AKT3: variants seen among roughly 807,000 people sequenced by gnomAD.
AKT3 encodes AKT serine/threonine kinase 3.
AKT3 carries 15 observed loss-of-function variants against 65.3 expected under a neutral mutation model. That is an observed-to-expected ratio of 0.23 (90% CI 0.15 to 0.35). The LOEUF is 0.35. Ranked by LOEUF, AKT3 falls within the 10% of genes least tolerant of loss-of-function variation. AKT3 has a pLI of 1.00. For synonymous variants in AKT3, 206 were observed against 183.8 expected (o/e 1.12, Z -0.98); for missense variants, 243 against 576.5 (o/e 0.42, Z 5.92).
At chr1:243,573,596 TGA>T (rs1674718190) in intron 8 of AKT3, among the ~76,000 whole-genome samples, 1 of 152,206 alleles carries the variant, frequency 6.6e-6, no homozygotes, top group African/African-American at 2.4e-5. Flanking sequence ...TTTTCTATGG[TGA>T]GAAACTTTAA....
chr1:243,590,804 G>A (rs1018233515), intron 8 of AKT3, among the ~76,000 whole-genome samples: 2 of 152,132 alleles, frequency 1.3e-5, no homozygotes, highest in African/African-American at 4.8e-5. Flanking sequence ...TCTAACACAT[G>A]TGTAATATAA....
downstream of AKT3, among the ~76,000 whole-genome samples, chr1:243,494,888 G>A (rs1667405150): frequency 6.6e-6 from 1 of 151,342 alleles, no homozygotes; most frequent in Non-Finnish European, 1.5e-5. Flanking sequence ...TTAAAAGACT[G>A]TAATTCCGTC....
At position 243,563,813 on chromosome 1, in the gene AKT3, T is replaced by C. The variant is rs1216018093; in HGVS notation, c.855A>G (p.Ile285Met). The part of the protein sequence containing the change: ...ENLMLDKDGH[I>M]KITDFGLCKE... ...TGCAAAGTCCAAAATCTGTAATTTT[T>C]ATGTGGCCATCTTTGTCCAGCATTA... The change falls in exon 10 of 14, where the codon ATA (isoleucine) becomes ATG (methionine). Residue 285 changes from isoleucine to methionine, a missense_variant. Transcript: ENST00000673466. The C allele has an allele frequency of 6.8e-6, 11 of 1,613,032 alleles. No individual in the cohort carries two copies. The highest frequency in any genetic ancestry group is 9.3e-6 in the Non-Finnish European group (11 of 1,179,580).
At position 243,527,653 on chromosome 1, in the gene AKT3, GAC is replaced by G. The variant is rs529542302; in HGVS notation, c.1252-15229_1252-15228del. Among the ~76,000 whole-genome samples the G allele has an allele frequency of 2.5e-3, 377 of 152,120 alleles. 1 individual carries two copies. Among genetic ancestry groups the G allele is most frequent in the African/African-American group, 8.3e-3 (346 of 41,476 alleles). ...TCCCTCTGAGCCTATCCCTACATGT[GAC>G]AGTCACTGTCTTAAAACTTCTAATA... On this transcript the variant is annotated intron_variant, in intron 12 of 13. Coordinates refer to ENST00000673466, the MANE Select transcript of AKT3 (RefSeq NM_005465.7).
intron 12 of AKT3, among the ~76,000 whole-genome samples, chr1:243,517,138 T>C (rs1354398867): frequency 6.7e-6 from 1 of 149,156 alleles, no homozygotes; most frequent in African/African-American, 2.4e-5. Context: ...GGATTTTCCA[T>C]AGATCTGTGT....
chr1:243,513,122 G>A (rs1379177320), intron 12 of AKT3, among the ~76,000 whole-genome samples: 2 of 152,208 alleles, frequency 1.3e-5, no homozygotes, highest in Non-Finnish European at 2.9e-5. Context: ...CGGCAGGCAT[G>A]GCGTTAGGGA....
chr1:243,817,466 C>A (rs774632838), intron 2 of AKT3, among the ~76,000 whole-genome samples: 3 of 152,174 alleles, frequency 2.0e-5, no homozygotes, highest in East Asian at 1.9e-4. Context: ...TGAGGCCAGG[C>A]GTGGTGGCTC....
At chr1:243,762,334 G>T (rs1277360391) in intron 2 of AKT3, among the ~76,000 whole-genome samples, 3 of 151,980 alleles carry the variant, frequency 2.0e-5, no homozygotes, top group African/African-American at 7.2e-5. Context: ...AAACTCCTTT[G>T]TAATAATTTG....
intron 8 of AKT3, among the ~76,000 whole-genome samples, chr1:243,607,896 T>A (rs569562297): frequency 5.3e-5 from 8 of 152,246 alleles, no homozygotes; most frequent in Admixed American, 3.9e-4. Flanking sequence ...ATAAGAAGCT[T>A]TTCCCCCTTT....
In AKT3 at chr1:243,662,598, C is replaced by A. The variant is rs374004312; in HGVS notation, c.284+2174G>T. ...GGAGGGATAGCATTGGGAGATATAT[C>A]TAATGCTAGATGACGAGTTAGTGGG... On this transcript the variant is annotated intron_variant, in intron 4 of 13. Transcript: ENST00000673466. 5.8e-4 allele frequency among the ~76,000 whole-genome samples: 88 copies of A among 150,818 alleles called. No individual in the cohort carries two copies. The East Asian group carries it at 0.015, about 26-fold the overall frequency.
intron 2 of AKT3, among the ~76,000 whole-genome samples, chr1:243,697,250 C>A (rs1685114086): frequency 6.6e-6 from 1 of 151,866 alleles, no homozygotes; most frequent in African/African-American, 2.4e-5. Flanking sequence ...ACCAGCACTG[C>A]TTTCCATTTT....
chr1:243,807,838 C>T (rs1692844623), intron 2 of AKT3, among the ~76,000 whole-genome samples: 1 of 152,184 alleles, frequency 6.6e-6, no homozygotes, highest in African/African-American at 2.4e-5. Context: ...GACGAAACTT[C>T]CAGAGGAACA....
chr1:243,766,247 C>A (rs1034533734), intron 2 of AKT3, among the ~76,000 whole-genome samples: 1 of 152,086 alleles, frequency 6.6e-6, no homozygotes. Flanking sequence ...TGAGGAGGGG[C>A]ATCCATTCAT....
intron 10 of AKT3, 126 bp from the exon 11 acceptor site, chr1:243,553,069 G>C (rs770595446): frequency 1.4e-6 from 1 of 696,846 alleles, no homozygotes; most frequent in Non-Finnish European, 2.3e-6. Flanking sequence ...CTGAGATCTT[G>C]ACATTTAAAC....
At chr1:243,639,897 G>A (rs937756319) in intron 5 of AKT3, among the ~76,000 whole-genome samples, 2 of 152,070 alleles carry the variant, frequency 1.3e-5, no homozygotes, top group Non-Finnish European at 2.9e-5. Context: ...GAACCCATGT[G>A]GTCTCCCAGG....
At chr1:243,647,280 C>T (rs7547861) in intron 4 of AKT3, among the ~76,000 whole-genome samples, 119,004 of 152,102 alleles carry the variant, frequency 0.78, 47,460 homozygotes, top group Non-Finnish European at 0.86. Flanking sequence ...TTACTGTACC[C>T]TTCCTATGCT....
At chr1:243,698,832 A>C (rs1346199621) in intron 2 of AKT3, among the ~76,000 whole-genome samples, 1 of 151,620 alleles carries the variant, frequency 6.6e-6, no homozygotes. Context: ...TTTTCTTGTC[A>C]TTTTTCACCT....
At chr1:243,626,089 C>T (rs1246834605) in intron 6 of AKT3, among the ~76,000 whole-genome samples, 2 of 152,150 alleles carry the variant, frequency 1.3e-5, no homozygotes, top group African/African-American at 4.8e-5. Context: ...CCCTTTAAAT[C>T]ATGGTAAATA....
downstream of AKT3, among the ~76,000 whole-genome samples, chr1:243,497,076 C>T (rs1017682788): frequency 3.3e-5 from 5 of 152,188 alleles, no homozygotes; most frequent in Non-Finnish European, 5.9e-5. Flanking sequence ...GGCATACGCA[C>T]GCTCTACTCT....
Sources: allele counts gnomAD v4.1 joint callset (sites outside exome capture counted in the v4.1 genomes callset), GRCh38; gene constraint gnomAD v4.1.1; transcripts MANE v1.5; gene names NCBI Gene and HGNC (gene_info 2026-07-23, HGNC 2026-07-21).